The following CENPE variants were observed in gnomAD, a reference collection of about 807,000 sequenced individuals.
The protein encoded by CENPE is centromere protein E.
A neutral mutation model predicts 336.1 loss-of-function variants in CENPE; 145 were observed. That is an observed-to-expected ratio of 0.43 (90% CI 0.38 to 0.50). CENPE has a LOEUF of 0.50. Ranked by LOEUF, CENPE falls within the 20% of genes least tolerant of loss-of-function variation. CENPE has a pLI of 0.00. For synonymous variants in CENPE, 1,013 were observed against 984.8 expected (o/e 1.03, Z -0.54); for missense variants, 2,719 against 3,023.3 (o/e 0.90, Z 2.36).
chr4:103,196,381 C>G (rs968223664), intron 2 of CENPE, 129 bp from the exon 3 acceptor site: 2 of 748,710 alleles, frequency 2.7e-6, no homozygotes, highest in African/African-American at 3.5e-5. Flanking sequence ...CTATTTAAGA[C>G]ACAGTATTTT....
Position 103,133,984 on chromosome 4 carries a change from T to C in CENPE, c.6523-92A>G, listed in dbSNP as rs1751843998. ...CTTGAGACTATGAGGTAGGATGACA[T>C]CTCTTATTTACCTATATCCTCTCAC... On this transcript the variant is annotated intron_variant, in intron 40 of 48. Coordinates refer to ENST00000265148, the MANE Select transcript of CENPE (RefSeq NM_001813.3). 5 of 775,536 alleles carry C rather than the reference T, an allele frequency of 6.4e-6. No homozygotes were observed. The East Asian group carries it at 1.3e-4, about 21-fold the overall frequency. The allele number at this position is 775,536 out of a possible 1,614,324, so 48.0% of individuals were successfully genotyped here. A position where few individuals can be genotyped will look rare whatever the true frequency, so the allele number is the denominator to read the frequency against.
At chr4:103,186,619 G>C (rs1756791219) in intron 8 of CENPE, among the ~76,000 whole-genome samples, 1 of 152,116 alleles carries the variant, frequency 6.6e-6, no homozygotes, top group Non-Finnish European at 1.5e-5. Flanking sequence ...CAGGTGCTAG[G>C]GCTACAAATA....
rs72665071 is a variant in CENPE, at chr4:103,161,681, G to A, written c.1843-224C>T. ...ATAAGCAATATATCAAATTATATAA[G>A]CAATGTATCATAATTTAGATCTGTT... On this transcript the variant is annotated intron_variant, in intron 18 of 48. Coordinates refer to ENST00000265148, the MANE Select transcript of CENPE (RefSeq NM_001813.3). Among the ~76,000 whole-genome samples, 22,250 of 151,950 alleles carry A rather than the reference G, an allele frequency of 0.15. 1,937 individuals are homozygous for A. The highest frequency in any genetic ancestry group is 0.31 in the South Asian group (1,474 of 4,804).
At chr4:103,147,733 G>T in intron 28 of CENPE, 87 bp from the exon 29 acceptor site, 2 of 1,226,110 alleles carry the variant, frequency 1.6e-6, no homozygotes, top group Non-Finnish European at 2.2e-6. Flanking sequence ...TCACTCTGTT[G>T]CCCAGGTGGG....
At chr4:103,157,520 C>T (rs1227418070) in intron 24 of CENPE, among the ~76,000 whole-genome samples, 1 of 151,944 alleles carries the variant, frequency 6.6e-6, no homozygotes, top group Non-Finnish European at 1.5e-5. Context: ...ATATGAGGTA[C>T]TCAGAGTAGT....
intron 35 of CENPE, 30 bp from the exon 36 acceptor site, chr4:103,141,134 G>A (rs1216195070): frequency 4.4e-6 from 6 of 1,361,828 alleles, no homozygotes; most frequent in Non-Finnish European, 6.0e-6. Context: ...AATATGTTAG[G>A]TGGCTTTTTA....
chr4:103,189,019 A>G (rs960309486), intron 8 of CENPE, among the ~76,000 whole-genome samples: 1 of 152,254 alleles, frequency 6.6e-6, no homozygotes, highest in Non-Finnish European at 1.5e-5. Flanking sequence ...AAACACCTCT[A>G]TGCAAATAAA....
chr4:103,144,049 G>A (rs1752786979), intron 33 of CENPE, among the ~76,000 whole-genome samples: 1 of 152,108 alleles, frequency 6.6e-6, no homozygotes, highest in Non-Finnish European at 1.5e-5. Context: ...CCATTCTCCT[G>A]TCTCAGCCTC....
intron 24 of CENPE, among the ~76,000 whole-genome samples, chr4:103,155,855 C>T (rs1753920054): frequency 6.6e-6 from 1 of 152,122 alleles, no homozygotes; most frequent in Non-Finnish European, 1.5e-5. Context: ...TTGGATCTTA[C>T]TGAATTACTT....
chr4:103,196,925 A>G, intron 1 of CENPE, 75 bp from the exon 2 acceptor site: 6 of 731,072 alleles, frequency 8.2e-6, no homozygotes. Flanking sequence ...AAAAGATTTC[A>G]CCTGCTAAAG....
At chr4:103,132,239 T>A (rs1751648454) in intron 42 of CENPE, among the ~76,000 whole-genome samples, 1 of 152,132 alleles carries the variant, frequency 6.6e-6, no homozygotes, top group Admixed American at 6.5e-5. Context: ...CTGCTCAATT[T>A]TGCTGTGAAC....
At chr4:103,163,916 G>A (rs1048224436) in intron 16 of CENPE, among the ~76,000 whole-genome samples, 10 of 152,088 alleles carry the variant, frequency 6.6e-5, no homozygotes, top group Non-Finnish European at 1.0e-4. Flanking sequence ...TACACGTTTA[G>A]TAGATTTTTG....
At position 103,138,230 on chromosome 4, in the gene CENPE, T is replaced by C. The variant is rs970751865; in HGVS notation, c.6303+121A>G. On this transcript the variant is annotated intron_variant, in intron 39 of 48. Transcript: ENST00000265148. ...CACACACCTGTACTAGATTACAATG[T>C]TTAGAAAAATACTGAGCACTATCTA... 4.2e-6 allele frequency: 3 copies of C among 706,614 alleles called. No individual in the cohort carries two copies. In the African/African-American group the frequency reaches 5.3e-5, roughly 12 times the overall value. The allele number at this position is 706,614 out of a possible 1,614,324, so 43.8% of individuals were successfully genotyped here. A position where few individuals can be genotyped will look rare whatever the true frequency, so the allele number is the denominator to read the frequency against.
At chr4:103,181,146 A>G (rs1756293728) in intron 12 of CENPE, among the ~76,000 whole-genome samples, 191 bp downstream of exon 12, 1 of 152,192 alleles carries the variant, frequency 6.6e-6, no homozygotes, top group East Asian at 1.9e-4. Context: ...TAATTTCAAG[A>G]ACCAAATCTT....
rs537406183 is a variant in CENPE at position 103,116,759 on chromosome 4, G to T, written c.7330-70C>A. On this transcript the variant is annotated intron_variant, in intron 44 of 48. Transcript: ENST00000265148. ...TCAGTTTCTCCAGTTGTAAAGAATG[G>T]TTAGCTGTCTTTGCTCTAATAAGGA... 18 of 759,778 alleles carry T rather than the reference G, an allele frequency of 2.4e-5. No individual in the cohort carries two copies. In the East Asian group the frequency reaches 4.3e-4, roughly 18 times the overall value. The allele number at this position is 759,778 out of a possible 1,614,324, so 47.1% of individuals were successfully genotyped here. A position where few individuals can be genotyped will look rare whatever the true frequency, so the allele number is the denominator to read the frequency against.
chr4:103,144,667 A>T, intron 32 of CENPE, 49 bp from the exon 33 acceptor site: 1 of 1,289,138 alleles, frequency 7.8e-7, no homozygotes, highest in Non-Finnish European at 1.1e-6. Context: ...TTTTTTTAGG[A>T]AAAGGAAGAA....
intron 13 of CENPE, among the ~76,000 whole-genome samples, chr4:103,179,223 C>T (rs1033766314): frequency 1.3e-5 from 2 of 152,176 alleles, no homozygotes; most frequent in Non-Finnish European, 2.9e-5. Context: ...CAATTCACTC[C>T]AACTCCAGAG....
chr4:103,172,410 T>G (rs1275737493), intron 16 of CENPE, among the ~76,000 whole-genome samples: 7 of 151,974 alleles, frequency 4.6e-5, no homozygotes, highest in Non-Finnish European at 7.4e-5. Context: ...TACCTCTTCA[T>G]GATAAAAACT....
chr4:103,145,901 T>C lies in CENPE; in HGVS notation c.4341A>G (p.Leu1447=), dbSNP rs114566933. The change falls in exon 30 of 49, where the codon CTA becomes CTG. Residue 1447 remains leucine, a synonymous_variant. Transcript: ENST00000265148. ...MKSVAKEKDD[L]QRLQEVLQSE... ...ATTGAAGAACTTCTTGCAGCCTCTGTAGGTCATCTTTCTCCTTAGCTACAG... is the reference window on the plus strand; with the variant it reads ...ATTGAAGAACTTCTTGCAGCCTCTGCAGGTCATCTTTCTCCTTAGCTACAG... 1.2e-6 allele frequency: 2 copies of C among 1,613,756 alleles called. No homozygotes were observed. Among genetic ancestry groups the C allele is most frequent in the East Asian group, 2.2e-5 (1 of 44,840 alleles).
Sources: allele counts gnomAD v4.1 joint callset (sites outside exome capture counted in the v4.1 genomes callset), GRCh38; gene constraint gnomAD v4.1.1; transcripts MANE v1.5; gene names NCBI Gene and HGNC (gene_info 2026-07-23, HGNC 2026-07-21).